The following POU6F2 variants were observed in gnomAD, a reference collection of about 807,000 sequenced individuals.
POU6F2 encodes the protein POU class 6 homeobox 2.
POU6F2 carries 31 observed loss-of-function variants against 71.3 expected under a neutral mutation model. That is an observed-to-expected ratio of 0.43 (90% CI 0.33 to 0.59). The LOEUF is 0.59. Ranked by LOEUF, POU6F2 falls within the 20% of genes least tolerant of loss-of-function variation. The pLI is 0.04. For missense variants in POU6F2, 783 were observed against 856.8 expected, an observed-to-expected ratio of 0.91 and a Z score of 1.07; for synonymous variants, 347 against 355.7, an observed-to-expected ratio of 0.98 and a Z score of 0.27.
chr7:39,385,273 C>T (rs1414397692), intron 5 of POU6F2, among the ~76,000 whole-genome samples: 1 of 152,212 alleles, frequency 6.6e-6, no homozygotes, highest in East Asian at 1.9e-4. Context: ...CTGTGTGTCA[C>T]GAATGACTGC....
chr7:39,434,677 CA>C (rs59822677), intron 7 of POU6F2, among the ~76,000 whole-genome samples: 7 of 148,258 alleles, frequency 4.7e-5, no homozygotes, highest in Non-Finnish European at 7.5e-5. Flanking sequence ...ACAAAAAACA[CA>C]AAAAAAAATG....
At chr7:39,431,616 G>C (rs951762540) in intron 6 of POU6F2, among the ~76,000 whole-genome samples, 3 of 152,286 alleles carry the variant, frequency 2.0e-5, no homozygotes. Context: ...CATGCTGTGG[G>C]AGCTAGGGGG....
intron 4 of POU6F2, among the ~76,000 whole-genome samples, chr7:39,339,194 A>G (rs1471475771): frequency 6.6e-6 from 1 of 152,158 alleles, no homozygotes; most frequent in African/African-American, 2.4e-5. Context: ...TGATGGATGT[A>G]AAGGCAATTG....
intron 5 of POU6F2, among the ~76,000 whole-genome samples, chr7:39,382,888 A>C (rs1786858870): frequency 6.6e-6 from 1 of 152,224 alleles, no homozygotes; most frequent in Non-Finnish European, 1.5e-5. Context: ...ATTGATCTTC[A>C]TAATAATACC....
At chr7:39,258,177 T>C (rs868148182) in intron 4 of POU6F2, among the ~76,000 whole-genome samples, 2 of 152,232 alleles carry the variant, frequency 1.3e-5, no homozygotes, top group Non-Finnish European at 2.9e-5. Context: ...GACTTGGTTA[T>C]GACTGTAACT....
At chr7:39,162,319 C>A (rs779775005) in intron 2 of POU6F2, among the ~76,000 whole-genome samples, 4 of 152,194 alleles carry the variant, frequency 2.6e-5, no homozygotes, top group Non-Finnish European at 5.9e-5. Context: ...ACAACAGATG[C>A]TCTGTAGAAG....
intron 4 of POU6F2, among the ~76,000 whole-genome samples, chr7:39,290,187 C>T (rs1459288329): frequency 2.6e-5 from 4 of 152,212 alleles, no homozygotes; most frequent in Non-Finnish European, 5.9e-5. Context: ...ACAACATCCT[C>T]TTTCATATTA....
chr7:38,982,701 G>A (rs1379163633), intron 1 of POU6F2, among the ~76,000 whole-genome samples: 2 of 151,724 alleles, frequency 1.3e-5, no homozygotes, highest in Admixed American at 6.6e-5. Flanking sequence ...GATGAACTTG[G>A]GTCTTGAAAC....
intron 2 of POU6F2, among the ~76,000 whole-genome samples, chr7:39,090,951 GAA>G (rs56907116): frequency 1.3e-5 from 2 of 148,640 alleles, no homozygotes; most frequent in South Asian, 2.1e-4. Context: ...CTACTTGAGT[GAA>G]AAAAAAAATG....
At chr7:39,313,894 C>T (rs1476578557) in intron 4 of POU6F2, among the ~76,000 whole-genome samples, 1 of 152,162 alleles carries the variant, frequency 6.6e-6, no homozygotes, top group Admixed American at 6.5e-5. Context: ...AGCTTCCCTG[C>T]CAATGGAGAT....
Position 39,340,855 on chromosome 7 carries a change from A to G in POU6F2, c.972+840A>G, listed in dbSNP as rs544196483. Among the ~76,000 whole-genome samples, 5 of 147,154 alleles carry G rather than the reference A, an allele frequency of 3.4e-5. 1 individual carries two copies. The highest frequency in any genetic ancestry group is 4.1e-4 in the East Asian group (2 of 4,904). On this transcript the variant is annotated intron_variant, in intron 5 of 9. Transcript: ENST00000518318. Reference sequence around the variant, plus strand: ...TTCAAAACATAATGACTGTGATGTCATCATATCAGATCCAGAAATTAATAA... The same window carrying G: ...TTCAAAACATAATGACTGTGATGTCGTCATATCAGATCCAGAAATTAATAA...
intron 4 of POU6F2, among the ~76,000 whole-genome samples, chr7:39,244,552 G>C (rs1348514650): frequency 6.6e-6 from 1 of 152,140 alleles, no homozygotes; most frequent in Non-Finnish European, 1.5e-5. Context: ...GGTAGTTATT[G>C]GTAGCTCCTT....
intron 1 of POU6F2, among the ~76,000 whole-genome samples, chr7:38,982,354 G>A (rs973772206): frequency 6.6e-6 from 1 of 152,008 alleles, no homozygotes; most frequent in African/African-American, 2.4e-5. Context: ...TGGATGGATG[G>A]TATACTAGAA....
chr7:39,309,300 G>A (rs1347259779), intron 4 of POU6F2, among the ~76,000 whole-genome samples: 4 of 152,214 alleles, frequency 2.6e-5, no homozygotes, highest in Non-Finnish European at 4.4e-5. Context: ...CCATTGTCAC[G>A]CTGGGTAGAC....
At chr7:39,038,679 G>C (rs1176796790) in intron 1 of POU6F2, among the ~76,000 whole-genome samples, 5 of 151,996 alleles carry the variant, frequency 3.3e-5, no homozygotes, top group Non-Finnish European at 5.9e-5. Flanking sequence ...TAGTAATGCT[G>C]TTAAACTGCT....
intron 6 of POU6F2, among the ~76,000 whole-genome samples, chr7:39,425,952 C>G (rs1787960507): frequency 6.6e-6 from 1 of 152,194 alleles, no homozygotes; most frequent in African/African-American, 2.4e-5. Flanking sequence ...TCTCAGGTAA[C>G]ACAATCTTGT....
chr7:39,115,270 T>C lies in POU6F2; in HGVS notation c.277+29239T>C, dbSNP rs963796634. On this transcript the variant is annotated intron_variant, in intron 2 of 9. Coordinates refer to ENST00000518318, the MANE Select transcript of POU6F2 (RefSeq NM_001370959.1). ...GATGGGACATGTAACCATATCTTTT[T>C]TCTTAACAAACTTCCATTTTTTTTC... Among the ~76,000 whole-genome samples, 8 of 152,332 alleles carry C rather than the reference T, an allele frequency of 5.3e-5. No homozygotes were observed. The East Asian group carries it at 1.3e-3, about 26-fold the overall frequency.
At chr7:39,051,001 G>A (rs541522973) in intron 1 of POU6F2, among the ~76,000 whole-genome samples, 14 of 151,996 alleles carry the variant, frequency 9.2e-5, no homozygotes, top group Middle Eastern at 6.8e-3. Flanking sequence ...CAATTCATTC[G>A]CCTCTTTTTT....
chr7:39,012,813 G>T (rs1428145557), intron 1 of POU6F2, among the ~76,000 whole-genome samples: 42 of 151,706 alleles, frequency 2.8e-4, no homozygotes, highest in African/African-American at 7.2e-4. Context: ...CCCTGCTGGG[G>T]GGTGCCTCCC....
Sources: allele counts gnomAD v4.1 joint callset (sites outside exome capture counted in the v4.1 genomes callset), GRCh38; gene constraint gnomAD v4.1.1; transcripts MANE v1.5; gene names NCBI Gene and HGNC (gene_info 2026-07-23, HGNC 2026-07-21).